The following FKBP1B variants were observed in gnomAD, a reference collection of about 807,000 sequenced individuals.
FKBP1B encodes FKBP prolyl isomerase 1B.
A neutral mutation model predicts 13.5 loss-of-function variants in FKBP1B; 4 were observed. The ratio of observed to expected loss-of-function variants is 0.30; its 90% confidence interval spans 0.15 to 0.68. The LOEUF is 0.68. FKBP1B is among the 30% of genes least tolerant of loss of function. FKBP1B has a pLI of 0.76. For synonymous variants in FKBP1B, 54 were observed against 53.6 expected, an observed-to-expected ratio of 1.01 and a Z score of -0.03; for missense variants, 93 against 136.2, an observed-to-expected ratio of 0.68 and a Z score of 1.58.
chr2:24,037,887 T>A, the FKBP1B span: 1 of 1,614,050 alleles, frequency 6.2e-7, no homozygotes, highest in Non-Finnish European at 8.5e-7. Context: ...GAGGCTCCAG[T>A]GTGCTGGTGT....
At chr2:24,054,248 G>A in intron 2 of FKBP1B, 1 of 577,140 alleles carries the variant, frequency 1.7e-6, no homozygotes, top group Non-Finnish European at 3.2e-6. Context: ...TGGAGCCCCT[G>A]TCCCTGCTGG....
the FKBP1B span, among the ~76,000 whole-genome samples, chr2:24,035,230 T>C: frequency 2.0e-4 from 31 of 151,708 alleles, no homozygotes; most frequent in Non-Finnish European, 3.4e-4. Context: ...GAAAAAAAGA[T>C]GAAAAAAGAG....
the FKBP1B span, among the ~76,000 whole-genome samples, chr2:24,041,091 C>T: frequency 6.6e-6 from 1 of 150,694 alleles, no homozygotes; most frequent in Non-Finnish European, 1.5e-5. Context: ...GTAATCCCAG[C>T]ACTTTGGGAG....
intron 2 of FKBP1B, among the ~76,000 whole-genome samples, chr2:24,060,499 C>T (rs951404170): frequency 6.6e-6 from 1 of 152,080 alleles, no homozygotes; most frequent in African/African-American, 2.4e-5. Flanking sequence ...TTGCAGTGAG[C>T]CGAGATTGTG....
the FKBP1B span, among the ~76,000 whole-genome samples, chr2:24,043,888 T>TA: frequency 0.27 from 39,494 of 147,370 alleles, 5,519 homozygotes; most frequent in South Asian, 0.34. Flanking sequence ...ATCTTTCACT[T>TA]AAAAAAAAAA....
the FKBP1B span, among the ~76,000 whole-genome samples, chr2:24,035,578 T>C: frequency 6.6e-6 from 1 of 151,768 alleles, no homozygotes; most frequent in African/African-American, 2.4e-5. Context: ...AGGAAAGAAA[T>C]CCAAACCAGT....
the FKBP1B span, chr2:24,038,659 T>C: frequency 1.9e-6 from 3 of 1,614,238 alleles, no homozygotes; most frequent in Admixed American, 1.7e-5. Context: ...AGGTTCTAAA[T>C]AGGAAGAAGA....
At position 24,060,914 on chromosome 2, in the gene FKBP1B, G is replaced by C. The variant is rs1219860703; in HGVS notation, c.186G>C (p.Glu62Asp). 2 of 1,613,666 alleles carry C rather than the reference G, an allele frequency of 1.2e-6. No individual in the cohort carries two copies. The highest frequency in any genetic ancestry group is 1.3e-5 in the African/African-American group (1 of 75,044). Residue 62 changes from glutamate (E) to aspartate (D), a missense_variant, in exon 3 of 4, where the codon GAG becomes GAC. Transcript: ENST00000380986. Reference sequence around the variant, plus strand: ...AGGAAGTCATCAAAGGTTTTGAAGAGGGTGCAGCCCAGGTAGGATGAGGAT... The same window carrying C: ...AGGAAGTCATCAAAGGTTTTGAAGACGGTGCAGCCCAGGTAGGATGAGGAT... The part of the protein sequence containing the change: ...GKQEVIKGFE[E>D]GAAQMSLGQR...
chr2:24,058,900 T>C (rs2150968820), intron 2 of FKBP1B, among the ~76,000 whole-genome samples: 1 of 152,346 alleles, frequency 6.6e-6, no homozygotes, highest in South Asian at 2.1e-4. Context: ...CCTCAGTTAG[T>C]ACCCAGGGCA....
the FKBP1B span, chr2:24,037,633 A>C: frequency 6.5e-7 from 1 of 1,540,882 alleles, no homozygotes; most frequent in South Asian, 1.2e-5. Context: ...CACCGGCTGC[A>C]GGAGCTTTTA....
chr2:24,059,377 G>GT (rs942619747), intron 2 of FKBP1B, among the ~76,000 whole-genome samples: 1 of 151,392 alleles, frequency 6.6e-6, no homozygotes, highest in Non-Finnish European at 1.5e-5. Context: ...GCACCTGGGG[G>GT]GGGGTTCTGG....
the FKBP1B span, chr2:24,033,258 G>T: frequency 2.1e-6 from 1 of 484,268 alleles, no homozygotes; most frequent in Non-Finnish European, 4.1e-6. Flanking sequence ...CAATCTGACG[G>T]TAAGAACACC....
chr2:24,048,232 G>A (rs1663694186), upstream of FKBP1B, among the ~76,000 whole-genome samples: 1 of 151,922 alleles, frequency 6.6e-6, no homozygotes, highest in African/African-American at 2.4e-5. Context: ...CACTTTGGGA[G>A]GCTGAGGCGG....
the FKBP1B span, among the ~76,000 whole-genome samples, chr2:24,042,463 G>C: frequency 1.3e-5 from 2 of 150,192 alleles, no homozygotes; most frequent in South Asian, 2.1e-4. Context: ...GTGAACCCTG[G>C]AGGCAGAGGT....
At chr2:24,039,278 TATC>T in the FKBP1B span, 7 of 1,614,202 alleles carry the variant, frequency 4.3e-6, no homozygotes, top group Non-Finnish European at 5.9e-6. Context: ...AGAACAGGTG[TATC>T]ATCTGCAACA....
At chr2:24,042,490 C>T in the FKBP1B span, among the ~76,000 whole-genome samples, 11 of 146,984 alleles carry the variant, frequency 7.5e-5, no homozygotes, top group Admixed American at 4.2e-4. Context: ...GAATCGAGAT[C>T]GCACCACTGC....
the FKBP1B span, chr2:24,039,184 T>G: frequency 1.2e-6 from 2 of 1,614,232 alleles, no homozygotes; most frequent in Non-Finnish European, 1.7e-6. Context: ...CTCACAAGTC[T>G]GAGACGTCAG....
At chr2:24,039,372 A>C in the FKBP1B span, 1 of 1,614,260 alleles carries the variant, frequency 6.2e-7, no homozygotes, top group Non-Finnish European at 8.5e-7. Context: ...CTCCACTGTG[A>C]AGCCGCAAAT....
the FKBP1B span, among the ~76,000 whole-genome samples, chr2:24,034,130 G>C: frequency 6.6e-6 from 1 of 152,212 alleles, no homozygotes; most frequent in African/African-American, 2.4e-5. Flanking sequence ...TTTTTTAAAA[G>C]TATAATAGGG....
Sources: allele counts gnomAD v4.1 joint callset (sites outside exome capture counted in the v4.1 genomes callset), GRCh38; gene constraint gnomAD v4.1.1; transcripts MANE v1.5; gene names NCBI Gene and HGNC (gene_info 2026-07-23, HGNC 2026-07-21).